Variants in CNTNAP2 observed in about 807,000 individuals in gnomAD.
CNTNAP2 encodes the protein contactin-associated protein-like 2.
In CNTNAP2, 98 loss-of-function variants were observed where a neutral mutation model predicts 155.2. The ratio of observed to expected loss-of-function variants is 0.63; its 90% CI spans 0.54 to 0.75. CNTNAP2 has a LOEUF of 0.75. Among genes scored for constraint, CNTNAP2 ranks in the 30% least tolerant of loss-of-function variants. The pLI, the probability that CNTNAP2 is intolerant of heterozygous loss-of-function variation, is 0.00. For synonymous variants in CNTNAP2, 651 were observed against 631.2 expected, an observed-to-expected ratio of 1.03 and a Z score of -0.47; for missense variants, 1,727 against 1,688.1, an observed-to-expected ratio of 1.02 and a Z score of -0.40.
chr7:148,390,820 C>T (rs2116677658), intron 22 of CNTNAP2, among the ~76,000 whole-genome samples: 1 of 152,294 alleles, frequency 6.6e-6, no homozygotes, highest in South Asian at 2.1e-4. Flanking sequence ...TGTTACCTCT[C>T]CAATGTCCTT....
chr7:148,000,506 C>A (rs901338394), intron 15 of CNTNAP2, among the ~76,000 whole-genome samples: 6 of 152,142 alleles, frequency 3.9e-5, no homozygotes, highest in Admixed American at 3.3e-4. Context: ...CCTTATTTTA[C>A]AGACGTGAAA....
chr7:147,551,378 C>T (rs1348931192), intron 11 of CNTNAP2, among the ~76,000 whole-genome samples: 1 of 152,130 alleles, frequency 6.6e-6, no homozygotes, highest in East Asian at 1.9e-4. Context: ...ATTATTACTT[C>T]TCTGGTCCTT....
intron 3 of CNTNAP2, among the ~76,000 whole-genome samples, chr7:146,891,282 A>T (rs1237805892): frequency 1.3e-5 from 2 of 152,130 alleles, no homozygotes; most frequent in Admixed American, 6.6e-5. Context: ...AAGCCTAAAA[A>T]ACTACTTATT....
At chr7:147,437,439 T>A (rs1373585578) in intron 10 of CNTNAP2, among the ~76,000 whole-genome samples, 1 of 152,168 alleles carries the variant, frequency 6.6e-6, no homozygotes, top group Non-Finnish European at 1.5e-5. Flanking sequence ...CAGCTCTTTT[T>A]AGATTCTAAT....
intron 13 of CNTNAP2, among the ~76,000 whole-genome samples, chr7:147,723,179 AT>A (rs1305199270): frequency 1.3e-5 from 2 of 151,982 alleles, no homozygotes; most frequent in Admixed American, 1.3e-4. Context: ...GAAAAAAAAA[AT>A]TCTTGCATTT....
chr7:148,334,927 CT>C (rs1798092260), intron 21 of CNTNAP2, among the ~76,000 whole-genome samples: 1 of 152,158 alleles, frequency 6.6e-6, no homozygotes, highest in Non-Finnish European at 1.5e-5. Context: ...TTTGCAGATC[CT>C]ACCAATGACT....
intron 10 of CNTNAP2, among the ~76,000 whole-genome samples, chr7:147,477,109 T>C (rs1458703007): frequency 6.6e-6 from 1 of 152,198 alleles, no homozygotes; most frequent in Non-Finnish European, 1.5e-5. Context: ...GTCATCTTTT[T>C]TCCTCCAGTA....
At chr7:146,421,687 T>A (rs1263496802) in intron 1 of CNTNAP2, among the ~76,000 whole-genome samples, 2 of 151,918 alleles carry the variant, frequency 1.3e-5, no homozygotes, top group Non-Finnish European at 2.9e-5. Context: ...AAATCCACAT[T>A]TATTACAATA....
At chr7:146,396,211 A>G (rs968369396) in intron 1 of CNTNAP2, among the ~76,000 whole-genome samples, 6 of 152,196 alleles carry the variant, frequency 3.9e-5, no homozygotes, top group Non-Finnish European at 8.8e-5. Context: ...AATTTACAAA[A>G]TATATTTCAT....
intron 1 of CNTNAP2, among the ~76,000 whole-genome samples, chr7:146,457,490 ATATATATATATATATATATATATATATAT>A (rs1796572978): frequency 1.3e-3 from 1 of 772 alleles, no homozygotes; most frequent in Non-Finnish European, 3.5e-3. Flanking sequence ...GAATATATAT[ATATATATATATATATATATATATATATAT>A]ATATATATAT....
At chr7:147,010,932 C>T (rs1243965665) in intron 3 of CNTNAP2, among the ~76,000 whole-genome samples, 2 of 152,062 alleles carry the variant, frequency 1.3e-5, no homozygotes, top group African/African-American at 2.4e-5. Context: ...GTACCTTCCA[C>T]AGTAGAGAAG....
At chr7:148,125,375 T>A (rs1804694851) in intron 16 of CNTNAP2, among the ~76,000 whole-genome samples, 1 of 152,162 alleles carries the variant, frequency 6.6e-6, no homozygotes, top group African/African-American at 2.4e-5. Context: ...ATAAGCATAG[T>A]ACCTGATAGG....
At chr7:146,222,212 C>A (rs1192874824) in intron 1 of CNTNAP2, among the ~76,000 whole-genome samples, 1 of 152,094 alleles carries the variant, frequency 6.6e-6, no homozygotes, top group Non-Finnish European at 1.5e-5. Flanking sequence ...TCTGGGGATA[C>A]AATACAGGTG....
intron 8 of CNTNAP2, among the ~76,000 whole-genome samples, chr7:147,189,808 G>T (rs1386281786): frequency 6.6e-6 from 1 of 152,016 alleles, no homozygotes; most frequent in Non-Finnish European, 1.5e-5. Context: ...GCAGTGGCGC[G>T]ATCTCGGCTC....
chr7:146,163,480 T>C (rs1798257135), intron 1 of CNTNAP2, among the ~76,000 whole-genome samples: 1 of 143,956 alleles, frequency 6.9e-6, no homozygotes, highest in African/African-American at 2.5e-5. Context: ...TATCTATATA[T>C]ATCTATCTAT....
chr7:147,134,720 T>G (rs1325457013), intron 8 of CNTNAP2, among the ~76,000 whole-genome samples: 2 of 151,966 alleles, frequency 1.3e-5, no homozygotes, highest in Non-Finnish European at 2.9e-5. Flanking sequence ...AATGTGTAAA[T>G]AAGTTAGTAA....
intron 15 of CNTNAP2, among the ~76,000 whole-genome samples, chr7:148,045,424 C>G (rs1013063216): frequency 2.0e-5 from 3 of 151,718 alleles, no homozygotes; most frequent in African/African-American, 7.3e-5. Context: ...GTCCATGCAG[C>G]GGGAGGGGTC....
intron 16 of CNTNAP2, among the ~76,000 whole-genome samples, chr7:148,144,439 G>A (rs371862775): frequency 3.3e-5 from 5 of 152,312 alleles, no homozygotes; most frequent in African/African-American, 7.2e-5. Context: ...CAATGTGAAC[G>A]GGAAGCTCAG....
At chr7:146,247,680 C>T (rs1263815407) in intron 1 of CNTNAP2, among the ~76,000 whole-genome samples, 2 of 152,068 alleles carry the variant, frequency 1.3e-5, no homozygotes, top group Non-Finnish European at 2.9e-5. Flanking sequence ...CATTTTCTGG[C>T]TATTTGGAAC....
Sources: allele counts gnomAD v4.1 joint callset (sites outside exome capture counted in the v4.1 genomes callset), GRCh38; gene constraint gnomAD v4.1.1; transcripts MANE v1.5; gene names NCBI Gene and HGNC (gene_info 2026-07-23, HGNC 2026-07-21).